HPS4: variants seen among roughly 807,000 people sequenced by gnomAD.
HPS4 encodes BLOC-3 complex member HPS4.
HPS4 carries 44 observed loss-of-function variants against 70.3 expected under a neutral mutation model. The observed-to-expected ratio is 0.63, with a 90% CI of 0.49 to 0.80. The LOEUF (loss-of-function observed/expected upper bound fraction) is 0.80, where lower values mean the gene tolerates loss of function less well. HPS4 is among the 30% of genes least tolerant of loss of function. The pLI, the probability that HPS4 is intolerant of heterozygous loss-of-function variation, is 0.00. For synonymous variants in HPS4, 377 were observed against 355.9 expected, an observed-to-expected ratio of 1.06 and a Z score of -0.67; for missense variants, 873 against 884.4, an observed-to-expected ratio of 0.99 and a Z score of 0.16.
intron 10 of HPS4, 145 bp downstream of exon 10, chr22:26,465,310 G>T (rs2088305467): frequency 5.7e-6 from 4 of 703,802 alleles, no homozygotes; most frequent in Non-Finnish European, 1.0e-5. Flanking sequence ...ACAAACTCAA[G>T]ATTCAGATGC....
intron 6 of HPS4, among the ~76,000 whole-genome samples, chr22:26,471,641 G>A (rs564780342): frequency 3.3e-5 from 5 of 152,348 alleles, no homozygotes. Flanking sequence ...CTGGAGCAGG[G>A]AAAACCCTTC....
intron 11 of HPS4, among the ~76,000 whole-genome samples, chr22:26,459,887 T>C (rs2086901793): frequency 6.6e-6 from 1 of 152,224 alleles, no homozygotes; most frequent in Non-Finnish European, 1.5e-5. Context: ...TGGTGTCTCT[T>C]TAGAGATCAC....
rs932311243 is a variant in HPS4 at position 26,483,779 on chromosome 22, G to A, written c.-584C>T. On this transcript the variant is annotated 5_prime_UTR_variant, in exon 1 of 14. Transcript: ENST00000398145. ...CTGCCCCGTACCTGCGCGCGCGGCA[G>A]AGAGGCCTTAGGTCACGCGCCGCCC... 2.6e-6 allele frequency: 2 copies of A among 755,290 alleles called. No homozygotes were observed. The highest frequency in any genetic ancestry group is 3.5e-5 in the East Asian group (1 of 28,332). The allele number at this position is 755,290 out of a possible 1,614,324, so 46.8% of individuals were successfully genotyped here. A position where few individuals can be genotyped will look rare whatever the true frequency, so the allele number is the denominator to read the frequency against.
intron 7 of HPS4, 117 bp from the exon 8 acceptor site, chr22:26,468,740 G>T: frequency 1.1e-6 from 1 of 900,066 alleles, no homozygotes. Flanking sequence ...TGGCTGGTGG[G>T]AGTTTCAACT....
chr22:26,465,798 T>C (rs928873060), intron 9 of HPS4: 17 of 572,876 alleles, frequency 3.0e-5, no homozygotes, highest in South Asian at 1.6e-4. Context: ...GAGAGAAAGG[T>C]TGAAAAGCAC....
intron 2 of HPS4, 149 bp downstream of exon 2, chr22:26,481,573 C>CATGTTAGCTTTGGAGAGCGATGGCTCAT (rs2091291504): frequency 1.4e-6 from 1 of 736,508 alleles, no homozygotes; most frequent in African/African-American, 1.7e-5. Context: ...CGATGGCTCA[C>CATGTTAGCTTTGGAGAGCGATGGCTCAT]GTGCTTGATT....
At chr22:26,478,416 C>G (rs1202346449) in intron 3 of HPS4, among the ~76,000 whole-genome samples, 1 of 151,702 alleles carries the variant, frequency 6.6e-6, no homozygotes, top group Non-Finnish European at 1.5e-5. Context: ...ACTAAAAATA[C>G]AAAAATTAGC....
At chr22:26,478,241 AAGAG>A (rs1175202818) in intron 3 of HPS4, among the ~76,000 whole-genome samples, 1 of 152,160 alleles carries the variant, frequency 6.6e-6, no homozygotes, top group South Asian at 2.1e-4. Flanking sequence ...GGAAAAAAAA[AAGAG>A]AGAGAAGAAG....
intron 4 of HPS4, chr22:26,476,560 C>T (rs1350710783): frequency 5.3e-6 from 1 of 187,804 alleles, no homozygotes; most frequent in East Asian, 1.4e-4. Context: ...GTTGCCCAGG[C>T]TGATATCGAA....
At chr22:26,444,737 A>G (rs2084897403) in intron 3 of HPS4, 1 of 152,278 alleles carries the variant, frequency 6.6e-6, no homozygotes, top group African/African-American at 2.4e-5. Context: ...GGCAGGTACT[A>G]GCAAGTGTGC....
Position 26,452,593 on chromosome 22 carries a change from ATAT to A in HPS4, c.*637_*639del. The A allele has an allele frequency of 6.3e-6, 2 of 316,398 alleles. No homozygotes were observed. Among genetic ancestry groups the A allele is most frequent in the South Asian group, 2.6e-5 (1 of 38,622 alleles). 19.6% of individuals were successfully genotyped at this position (316,398 alleles called of 1,614,324 possible). ...ATCTCTAAAGCCCAAACTCCCTTCC[ATAT>A]TATTAAGGCTTGCCCCCATTGTGGG... is the stretch of plus-strand genomic sequence containing the variant. On this transcript the variant is annotated 3_prime_UTR_variant, in exon 14 of 14. Coordinates refer to ENST00000398145, the MANE Select transcript of HPS4 (RefSeq NM_022081.6).
rs1419574727 is a variant in HPS4, at chr22:26,480,975, T to A, written c.41+747A>T. 2.0e-5 allele frequency among the ~76,000 whole-genome samples: 3 copies of A among 152,086 alleles called. No individual in the cohort carries two copies. In the South Asian group the frequency reaches 6.2e-4, roughly 32 times the overall value. On this transcript the variant is annotated intron_variant, in intron 2 of 13. Coordinates refer to ENST00000398145, the MANE Select transcript of HPS4 (RefSeq NM_022081.6). ...CTTGGTCTCTTGGCACTGTCCTCTT[T>A]CCCAATACCTAAGGCTGGATGTACA...
rs150216540 is a variant in HPS4, at chr22:26,464,095, G to C, written c.1535C>G (p.Ser512Ter). 2.5e-6 allele frequency: 4 copies of C among 1,614,158 alleles called. No homozygotes were observed. The highest frequency in any genetic ancestry group is 3.4e-6 in the Non-Finnish European group (4 of 1,180,064). The change falls in exon 11 of 14, where the codon TCA becomes TGA. Residue 512 changes from serine to a stop codon, truncating the protein, a stop_gained. Coordinates refer to ENST00000398145, the MANE Select transcript of HPS4 (RefSeq NM_022081.6). LOFTEE classifies it high-confidence loss of function. The part of the protein sequence containing the change: ...AAPGLECSSG[S>*]ANCQGAGPSA... ...GGGGCCAGCACCCTGACAGTTTGCT[G>C]AGCCTGAACTGCATTCCAGACCAGG...
intron 6 of HPS4, 82 bp downstream of exon 6, chr22:26,472,220 T>C (rs532145969): frequency 1.8e-5 from 16 of 894,966 alleles, no homozygotes; most frequent in Middle Eastern, 2.2e-4. Flanking sequence ...TTTCCAGATA[T>C]AGTTCACTTC....
chr22:26,458,821 GAAA>G (rs370283156), intron 11 of HPS4, among the ~76,000 whole-genome samples: 2 of 125,984 alleles, frequency 1.6e-5, no homozygotes, highest in Admixed American at 8.1e-5. Flanking sequence ...ACTCTGTCTC[GAAA>G]AAAAAAAAAA....
intron 5 of HPS4, 23 bp downstream of exon 5, chr22:26,472,809 A>G (rs2090019206): frequency 6.4e-7 from 1 of 1,554,844 alleles, no homozygotes; most frequent in Non-Finnish European, 8.9e-7. Context: ...CCAATGTAAG[A>G]CTCCTCAACC....
intron 3 of HPS4, among the ~76,000 whole-genome samples, chr22:26,478,904 AAAC>A: frequency 6.6e-6 from 1 of 152,194 alleles, no homozygotes; most frequent in Middle Eastern, 3.4e-3. Context: ...GGCTGGTCTC[AAAC>A]TCCTGACCTC....
intron 3 of HPS4, among the ~76,000 whole-genome samples, chr22:26,478,980 A>G (rs2090964830): frequency 6.6e-6 from 1 of 152,156 alleles, no homozygotes; most frequent in Admixed American, 6.6e-5. Context: ...TACCGTGCCC[A>G]GCAGAATAAT....
At chr22:26,475,456 G>A (rs747919218) in intron 4 of HPS4, 1 of 148,052 alleles carries the variant, frequency 6.8e-6, no homozygotes, top group Non-Finnish European at 1.5e-5. Context: ...AGGTTCAAGA[G>A]AGTCTCCTGC....
Sources: gnomAD v4.1 joint callset for allele counts (sites outside exome capture counted in the v4.1 genomes callset) on GRCh38, gnomAD v4.1.1 for gene constraint, MANE v1.5 for transcripts, NCBI Gene and HGNC (gene_info 2026-07-23, HGNC 2026-07-21) for gene names.